SPAG9: variants seen among roughly 807,000 people sequenced by gnomAD.
SPAG9 encodes the protein C-Jun-amino-terminal kinase-interacting protein 4.
SPAG9 carries 35 observed loss-of-function variants against 166.5 expected under a neutral mutation model. The observed-to-expected ratio is 0.21, with a 90% CI of 0.16 to 0.28. The LOEUF is 0.28. SPAG9 is among the 10% of genes least tolerant of loss of function. SPAG9 has a pLI of 1.00. For missense variants in SPAG9, 1,235 were observed against 1,603.3 expected, an observed-to-expected ratio of 0.77 and a Z score of 3.92; for synonymous variants, 534 against 565.5, an observed-to-expected ratio of 0.94 and a Z score of 0.79.
chr17:51,051,543 A>G (rs1467268716), intron 3 of SPAG9, among the ~76,000 whole-genome samples: 1 of 152,190 alleles, frequency 6.6e-6, no homozygotes, highest in African/African-American at 2.4e-5. Context: ...AACATGGTGA[A>G]ACCCAGTCTC....
intron 1 of SPAG9, among the ~76,000 whole-genome samples, chr17:51,094,216 A>G (rs779445551): frequency 6.6e-6 from 1 of 152,212 alleles, no homozygotes; most frequent in Non-Finnish European, 1.5e-5. Context: ...CAGGCACACA[A>G]AGCTTCCAAC....
At chr17:51,110,308 T>C (rs1296016660) in intron 1 of SPAG9, among the ~76,000 whole-genome samples, 1 of 152,052 alleles carries the variant, frequency 6.6e-6, no homozygotes, top group East Asian at 1.9e-4. Flanking sequence ...ACTTTCCATT[T>C]TTCTATATGT....
At chr17:50,996,446 C>T in intron 16 of SPAG9, 119 bp downstream of exon 16, 2 of 1,154,970 alleles carry the variant, frequency 1.7e-6, no homozygotes, top group Non-Finnish European at 1.2e-6. Context: ...AATGTGTGCC[C>T]AGTCCATGCG....
chr17:51,057,009 T>A (rs572553412), intron 2 of SPAG9, among the ~76,000 whole-genome samples: 59 of 147,048 alleles, frequency 4.0e-4, no homozygotes, highest in African/African-American at 9.7e-4. Context: ...TCAGGATATT[T>A]AAAAAAAAAA....
chr17:51,102,089 A>G (rs2048822734), intron 1 of SPAG9, among the ~76,000 whole-genome samples: 1 of 152,136 alleles, frequency 6.6e-6, no homozygotes. Context: ...CTGATTAGAA[A>G]GGTCTAACAT....
chr17:50,971,837 G>C (rs920916042), intron 28 of SPAG9, among the ~76,000 whole-genome samples: 2 of 151,912 alleles, frequency 1.3e-5, no homozygotes, highest in Non-Finnish European at 2.9e-5. Flanking sequence ...GCGCGATCTC[G>C]GCTCACTGCA....
chr17:50,989,985 A>G (rs1043717841), intron 20 of SPAG9, 113 bp from the exon 21 acceptor site: 5 of 861,798 alleles, frequency 5.8e-6, no homozygotes, highest in Non-Finnish European at 9.4e-6. Context: ...TTCACACTGT[A>G]CCATGAAATT....
intron 24 of SPAG9, among the ~76,000 whole-genome samples, chr17:50,982,981 A>C (rs992561128): frequency 6.6e-6 from 1 of 152,202 alleles, no homozygotes; most frequent in African/African-American, 2.4e-5. Context: ...ATATTTTTCG[A>C]ATTAGAATGG....
intron 1 of SPAG9, among the ~76,000 whole-genome samples, chr17:51,111,824 G>C (rs1440245362): frequency 6.6e-6 from 1 of 152,010 alleles, no homozygotes; most frequent in Admixed American, 6.6e-5. Flanking sequence ...GGCTGGTCTT[G>C]AACTCCTGAC....
At chr17:51,061,265 C>T (rs1053062321) in intron 2 of SPAG9, among the ~76,000 whole-genome samples, 4 of 152,232 alleles carry the variant, frequency 2.6e-5, no homozygotes, top group South Asian at 4.2e-4. Context: ...TGATTTTATG[C>T]CAGTTTCCTA....
At chr17:51,018,764 G>A (rs2045810063) in intron 8 of SPAG9, among the ~76,000 whole-genome samples, 1 of 152,116 alleles carries the variant, frequency 6.6e-6, no homozygotes, top group Non-Finnish European at 1.5e-5. Context: ...GTACCCGGCT[G>A]CTGGCCCTAA....
intron 1 of SPAG9, among the ~76,000 whole-genome samples, chr17:51,118,004 C>T (rs779635589): frequency 1.4e-4 from 21 of 151,292 alleles, no homozygotes; most frequent in Non-Finnish European, 2.1e-4. Flanking sequence ...ATTAGCTGGG[C>T]GGGGTGGCAC....
intron 6 of SPAG9, among the ~76,000 whole-genome samples, chr17:51,022,145 G>A (rs1284200666): frequency 2.0e-4 from 30 of 149,068 alleles, no homozygotes; most frequent in African/African-American, 3.0e-4. Context: ...AAAAAAAAGC[G>A]GGGAGAGGGG....
intron 9 of SPAG9, 94 bp downstream of exon 9, chr17:51,014,138 G>T: frequency 9.4e-7 from 1 of 1,061,660 alleles, no homozygotes. Flanking sequence ...GTATCACTGA[G>T]CAGTTGGGGA....
chr17:51,015,734 T>TA (rs34599862), intron 8 of SPAG9, among the ~76,000 whole-genome samples: 35,999 of 149,504 alleles, frequency 0.24, 5,146 homozygotes, highest in Admixed American at 0.34. Context: ...AATGAGGGTT[T>TA]AAAAAAAAAT....
At chr17:51,019,090 A>C (rs2045824240) in intron 8 of SPAG9, among the ~76,000 whole-genome samples, 1 of 152,160 alleles carries the variant, frequency 6.6e-6, no homozygotes, top group Non-Finnish European at 1.5e-5. Flanking sequence ...TCCAGTGTTC[A>C]GGGCTCACTT....
intron 1 of SPAG9, among the ~76,000 whole-genome samples, chr17:51,082,070 CA>C (rs1351304220): frequency 1.3e-5 from 2 of 152,050 alleles, no homozygotes. Flanking sequence ...CTTCTTTGGC[CA>C]ACCTATTTAA....
At chr17:51,096,088 G>A (rs1328366794) in intron 1 of SPAG9, among the ~76,000 whole-genome samples, 1 of 139,798 alleles carries the variant, frequency 7.2e-6, no homozygotes, top group Non-Finnish European at 1.5e-5. Flanking sequence ...TTTCACACCT[G>A]TAATCCCAGA....
At chr17:51,035,715 T>C (rs200055679) in intron 5 of SPAG9, among the ~76,000 whole-genome samples, 1 of 152,366 alleles carries the variant, frequency 6.6e-6, no homozygotes, top group East Asian at 1.9e-4. Context: ...TCACAAGTCA[T>C]GTGATTTTAT....
Sources: allele counts gnomAD v4.1 joint callset (sites outside exome capture counted in the v4.1 genomes callset), GRCh38; gene constraint gnomAD v4.1.1; transcripts MANE v1.5; gene names NCBI Gene and HGNC (gene_info 2026-07-23, HGNC 2026-07-21).